R3HDM1: variants seen among roughly 807,000 people sequenced by gnomAD.
R3HDM1 encodes the protein R3H domain-containing protein 1.
Under a neutral mutation model 141.1 loss-of-function variants are expected in R3HDM1, and 46 were observed. That is an observed-to-expected ratio of 0.33 (90% CI 0.26 to 0.42). The LOEUF (loss-of-function observed/expected upper bound fraction) is 0.42, where lower values mean the gene tolerates loss of function less well. R3HDM1 is among the 10% of genes least tolerant of loss of function. The pLI, the probability that R3HDM1 is intolerant of heterozygous loss-of-function variation, is 1.00. For synonymous variants in R3HDM1, 435 were observed against 472.9 expected, an observed-to-expected ratio of 0.92 and a Z score of 1.04; for missense variants, 1,184 against 1,368.3, an observed-to-expected ratio of 0.87 and a Z score of 2.12.
At position 135,649,896 on chromosome 2, in the gene R3HDM1, C is replaced by A; in HGVS notation, c.1624-6C>A. 1 of 1,241,488 alleles carries A rather than the reference C, an allele frequency of 8.1e-7. No homozygotes were observed. Among genetic ancestry groups the A allele is most frequent in the Admixed American group, 2.7e-5 (1 of 36,890 alleles). 76.9% of individuals were successfully genotyped at this position (1,241,488 alleles called of 1,614,324 possible). A position where few individuals can be genotyped will look rare whatever the true frequency, so the allele number is the denominator to read the frequency against. ...TAACATTGTTTGCCAACCTGTTATT[C>A]TTTAGCCTGTTCATCCTCTGCAGTC... is the stretch of plus-strand genomic sequence containing the variant. On this transcript the variant is annotated splice_region_variant and splice_polypyrimidine_tract_variant and intron_variant, in intron 16 of 26. Coordinates refer to ENST00000683871, the MANE Select transcript of R3HDM1 (RefSeq NM_001378107.1).
rs183843803 is a variant in R3HDM1, at chr2:135,612,252, A to G, written c.172-3900A>G. 1.4e-4 allele frequency among the ~76,000 whole-genome samples: 22 copies of G among 152,274 alleles called. No individual in the cohort carries two copies. The East Asian group carries it at 2.3e-3, about 16-fold the overall frequency. On this transcript the variant is annotated intron_variant, in intron 3 of 26. Coordinates refer to ENST00000683871, the MANE Select transcript of R3HDM1 (RefSeq NM_001378107.1). ...ATTTTAATTCATTATCTTCCTTACA[A>G]TTGCCACTAATCTTTACTATTACCT...
At chr2:135,677,661 C>T (rs2105347319) in intron 20 of R3HDM1, among the ~76,000 whole-genome samples, 1 of 152,164 alleles carries the variant, frequency 6.6e-6, no homozygotes, top group Admixed American at 6.5e-5. Flanking sequence ...ATTATTTTCT[C>T]ATTGTATTTA....
rs372205878 is a variant in R3HDM1 at position 135,628,165 on chromosome 2, C to T, written c.498-3553C>T. On this transcript the variant is annotated intron_variant, in intron 7 of 26. Coordinates refer to ENST00000683871, the MANE Select transcript of R3HDM1 (RefSeq NM_001378107.1). ...AGTTTGAGTCTCATATGTAGGGCCCCTATAAAGGATTAGTAACCTTTAACT... is the reference window on the plus strand; with the variant it reads ...AGTTTGAGTCTCATATGTAGGGCCCTTATAAAGGATTAGTAACCTTTAACT... Among the ~76,000 whole-genome samples the T allele has an allele frequency of 3.3e-5, 5 of 152,088 alleles. No individual in the cohort carries two copies. In the South Asian group the frequency reaches 1.0e-3, roughly 32 times the overall value.
chr2:135,701,123 G>A (rs1288899242), intron 21 of R3HDM1, among the ~76,000 whole-genome samples: 12 of 151,314 alleles, frequency 7.9e-5, no homozygotes, highest in African/African-American at 1.9e-4. Flanking sequence ...AGTGGCTCAC[G>A]CCTGTGATCC....
rs1250746150 is a variant in R3HDM1, at chr2:135,547,172, C to T, written c.-250+15539C>T. Among the ~76,000 whole-genome samples the T allele has an allele frequency of 3.3e-5, 5 of 152,090 alleles. No homozygotes were observed. In the East Asian group the frequency reaches 7.7e-4, roughly 23 times the overall value. ...TTGGTGGAAGGCATGGGATAGAAAA[C>T]TGAGCCTGTGTAGAACTTAACTACA... On this transcript the variant is annotated intron_variant, in intron 1 of 26. Coordinates refer to ENST00000683871, the MANE Select transcript of R3HDM1 (RefSeq NM_001378107.1).
chr2:135,710,082 G>A lies in R3HDM1; in HGVS notation c.2587G>A (p.Gly863Arg), dbSNP rs991223750. 1.9e-6 allele frequency: 3 copies of A among 1,613,410 alleles called. No homozygotes were observed. The highest frequency in any genetic ancestry group is 2.5e-6 in the Non-Finnish European group (3 of 1,179,698). The change falls in exon 23 of 27, where the codon GGG becomes AGG. Residue 863 changes from glycine to arginine, a missense_variant. Transcript: ENST00000683871. ...AGCTGGACCACCACCGCCACCTGGT[G>A]GGGGGATGGTGATGATGCAGCTCAG... Reference protein sequence around the residue: ...CTAGPPPPPGGGMVMMQLSVP... With the variant: ...CTAGPPPPPGRGMVMMQLSVP...
chr2:135,642,303 T>TG (rs1386557534), intron 15 of R3HDM1, among the ~76,000 whole-genome samples: 2 of 151,904 alleles, frequency 1.3e-5, no homozygotes, highest in Non-Finnish European at 1.5e-5. Context: ...AAAAAAAAAT[T>TG]GGGGGGAGTC....
intron 19 of R3HDM1, among the ~76,000 whole-genome samples, chr2:135,674,681 C>G (rs903351613): frequency 2.6e-5 from 4 of 152,138 alleles, no homozygotes; most frequent in African/African-American, 9.7e-5. Flanking sequence ...GCTTTGTGAC[C>G]TTGAGCAGAT....
intron 1 of R3HDM1, chr2:135,558,930 G>A (rs1259957392): frequency 1.2e-6 from 1 of 829,992 alleles, no homozygotes; most frequent in Non-Finnish European, 1.5e-6. Context: ...TTCTCTGAAA[G>A]TCAAAATGTA....
At chr2:135,720,111 G>A (rs1382882517) in intron 24 of R3HDM1, among the ~76,000 whole-genome samples, 2 of 152,124 alleles carry the variant, frequency 1.3e-5, no homozygotes, top group East Asian at 3.9e-4. Flanking sequence ...CCAAAGTGCT[G>A]GAATTACAGG....
At chr2:135,559,132 G>A in intron 1 of R3HDM1, 2 of 847,222 alleles carry the variant, frequency 2.4e-6, no homozygotes, top group Non-Finnish European at 2.8e-6. Flanking sequence ...TGTTGTCGGA[G>A]ACAGGGCCTC....
intron 21 of R3HDM1, among the ~76,000 whole-genome samples, chr2:135,684,713 G>T (rs1014288305): frequency 4.0e-5 from 6 of 151,890 alleles, no homozygotes; most frequent in Admixed American, 1.3e-4. Context: ...TGAGGAATTG[G>T]GTGGTGAGTT....
intron 9 of R3HDM1, among the ~76,000 whole-genome samples, chr2:135,635,309 G>A (rs777651418): frequency 6.6e-6 from 1 of 152,154 alleles, no homozygotes; most frequent in Non-Finnish European, 1.5e-5. Flanking sequence ...CCTTGTCCCA[G>A]CATTTTTTCG....
In R3HDM1 at chr2:135,620,342, G is replaced by A. The variant is rs552276294; in HGVS notation, c.304-1152G>A. ...TACCTGTTTTACAGTTATGAAAAGC[G>A]TAAAGAAAGTGGGTTGGAAAATGAA... On this transcript the variant is annotated intron_variant, in intron 5 of 26. Coordinates refer to ENST00000683871, the MANE Select transcript of R3HDM1 (RefSeq NM_001378107.1). The A allele has an allele frequency of 1.1e-4, 93 of 866,444 alleles. No individual in the cohort carries two copies. The Middle Eastern group carries it at 1.8e-3, about 16-fold the overall frequency. The allele number at this position is 866,444 out of a possible 1,614,324, so 53.7% of individuals were successfully genotyped here.
rs185587954 is a variant in R3HDM1, at chr2:135,618,711, A to G, written c.303+1954A>G. Reference sequence around the variant, plus strand: ...AAAAAACCAATAAAATTGTTTTTTGAAACAGCACTTTTAAAAAGTTCTTTT... The same window carrying G: ...AAAAAACCAATAAAATTGTTTTTTGGAACAGCACTTTTAAAAAGTTCTTTT... On this transcript the variant is annotated intron_variant, in intron 5 of 26. Coordinates refer to ENST00000683871, the MANE Select transcript of R3HDM1 (RefSeq NM_001378107.1). Among the ~76,000 whole-genome samples, 19 of 152,236 alleles carry G rather than the reference A, an allele frequency of 1.2e-4. No individual in the cohort carries two copies. The East Asian group carries it at 3.3e-3, about 26-fold the overall frequency.
At chr2:135,704,137 C>T (rs568710527) in intron 21 of R3HDM1, among the ~76,000 whole-genome samples, 2 of 152,160 alleles carry the variant, frequency 1.3e-5, no homozygotes, top group African/African-American at 4.8e-5. Flanking sequence ...CCCACCACCA[C>T]GCCCAGCTAA....
intron 1 of R3HDM1, chr2:135,590,884 GA>G (rs1384572660): frequency 7.9e-6 from 2 of 252,380 alleles, no homozygotes; most frequent in African/African-American, 4.6e-5. Context: ...ACAGAAAGAA[GA>G]AATCAAACGT....
intron 18 of R3HDM1, among the ~76,000 whole-genome samples, chr2:135,654,568 C>T (rs1426344415): frequency 6.6e-6 from 1 of 152,064 alleles, no homozygotes; most frequent in Non-Finnish European, 1.5e-5. Flanking sequence ...CCTGCCTCAG[C>T]CCCCCGAGTA....
At chr2:135,650,494 CT>C in intron 17 of R3HDM1, 2 of 981,002 alleles carry the variant, frequency 2.0e-6, no homozygotes, top group Non-Finnish European at 2.4e-6. Flanking sequence ...AGTAATGATA[CT>C]TTCTTCTATC....
Sources: allele counts gnomAD v4.1 joint callset (sites outside exome capture counted in the v4.1 genomes callset), GRCh38; gene constraint gnomAD v4.1.1; transcripts MANE v1.5; gene names NCBI Gene and HGNC (gene_info 2026-07-23, HGNC 2026-07-21).